Variants in PRKCE observed in about 807,000 individuals in gnomAD.
PRKCE encodes protein kinase C epsilon, also known as protein kinase C epsilon type.
A neutral mutation model predicts 85.4 loss-of-function variants in PRKCE; 16 were observed. That is an observed-to-expected ratio of 0.19 (90% confidence interval 0.13 to 0.28). The LOEUF (loss-of-function observed/expected upper bound fraction) is 0.28, where lower values mean the gene tolerates loss of function less well. PRKCE is among the 10% of genes least tolerant of loss of function. The pLI is 1.00. For synonymous variants in PRKCE, 388 were observed against 371.5 expected (o/e 1.04, Z -0.51); for missense variants, 573 against 975.2 (o/e 0.59, Z 5.49).
chr2:46,120,788 T>C (rs887010318), intron 11 of PRKCE, among the ~76,000 whole-genome samples: 1 of 152,228 alleles, frequency 6.6e-6, no homozygotes, highest in African/African-American at 2.4e-5. Flanking sequence ...CACCCATGTT[T>C]CAAAAACCAG....
chr2:46,173,821 C>A lies in PRKCE; in HGVS notation c.2068-10914C>A, dbSNP rs551854072. Among the ~76,000 whole-genome samples the A allele has an allele frequency of 2.6e-5, 4 of 152,340 alleles. No homozygotes were observed. The East Asian group carries it at 7.7e-4, about 29-fold the overall frequency. On this transcript the variant is annotated intron_variant, in intron 14 of 14. Coordinates refer to ENST00000306156, the MANE Select transcript of PRKCE (RefSeq NM_005400.3). The stretch of plus-strand genomic sequence containing the variant: ...CGATAGTTGGCTGAACTCCTTTGAT[C>A]TCTATTTGCTGAGTGTAGGGGAGGA...
At chr2:45,958,816 A>ATTTTTTT (rs569651784) in intron 2 of PRKCE, among the ~76,000 whole-genome samples, 1 of 18,150 alleles carries the variant, frequency 5.5e-5, no homozygotes, top group Non-Finnish European at 9.4e-5. Flanking sequence ...ATATATATAT[A>ATTTTTTT]TTTTTTTTTT....
At chr2:45,945,834 T>C (rs79194014) in intron 2 of PRKCE, among the ~76,000 whole-genome samples, 3 of 152,334 alleles carry the variant, frequency 2.0e-5, no homozygotes, top group Non-Finnish European at 2.9e-5. Context: ...GAATGACTTG[T>C]TAATGGTGGA....
At chr2:46,102,425 T>C (rs1671330328) in intron 11 of PRKCE, among the ~76,000 whole-genome samples, 1 of 152,164 alleles carries the variant, frequency 6.6e-6, no homozygotes, top group Non-Finnish European at 1.5e-5. Context: ...CAGCTTTAGA[T>C]TTACAGAATA....
chr2:45,741,606 C>T (rs1186235982), intron 1 of PRKCE, among the ~76,000 whole-genome samples: 1 of 152,204 alleles, frequency 6.6e-6, no homozygotes, highest in Non-Finnish European at 1.5e-5. Context: ...TTTGCCGGCT[C>T]AGCCTGGCAG....
chr2:46,050,829 G>A (rs771755193), intron 10 of PRKCE, among the ~76,000 whole-genome samples: 25 of 152,110 alleles, frequency 1.6e-4, no homozygotes, highest in Non-Finnish European at 3.1e-4. Context: ...CTTCATTCTT[G>A]TCAAAGTCTC....
In PRKCE at chr2:46,184,292, G is replaced by A. The variant is rs578118004; in HGVS notation, c.2068-443G>A. Among the ~76,000 whole-genome samples the A allele has an allele frequency of 4.6e-5, 7 of 152,220 alleles. No homozygotes were observed. The highest frequency in any genetic ancestry group is 9.6e-5 in the African/African-American group (4 of 41,504). The stretch of plus-strand genomic sequence containing the variant: ...GATGTCACCTGGAGCAGATGTGGCC[G>A]GGTTATGGGGAAGAAGGACCTCTGA... On this transcript the variant is annotated intron_variant, in intron 14 of 14. Transcript: ENST00000306156. The surrounding 1 kb of genome is among the most constrained non-coding windows in gnomAD (Gnocchi z 5.0).
chr2:45,760,183 C>A (rs1017159454), intron 1 of PRKCE, among the ~76,000 whole-genome samples: 1 of 152,234 alleles, frequency 6.6e-6, no homozygotes, highest in African/African-American at 2.4e-5. Flanking sequence ...TTACTTGGTT[C>A]CTGACCTGCC....
At chr2:45,938,749 A>C (rs1699663490) in intron 2 of PRKCE, among the ~76,000 whole-genome samples, 1 of 152,154 alleles carries the variant, frequency 6.6e-6, no homozygotes, top group Non-Finnish European at 1.5e-5. Context: ...AAGTTTGCTT[A>C]AATTGAGAAA....
Position 45,652,099 on chromosome 2 carries a change from C to A in PRKCE, c.-2C>A. 6.4e-7 allele frequency: 1 copy of A among 1,551,938 alleles called. No individual in the cohort carries two copies. The highest frequency in any genetic ancestry group is 8.7e-7 in the Non-Finnish European group (1 of 1,146,358). On this transcript the variant is annotated 5_prime_UTR_variant, in exon 1 of 15. Transcript: ENST00000306156. The surrounding 1 kb of genome is among the most constrained non-coding windows in gnomAD (Gnocchi z 7.7). ...CCCCGGCCCCCACTCCCCGCCCCGA[C>A]CATGGTAGTGTTCAATGGCCTTCTT... is the stretch of plus-strand genomic sequence containing the variant.
chr2:46,178,085 C>A (rs534881685), intron 14 of PRKCE, among the ~76,000 whole-genome samples: 2 of 152,174 alleles, frequency 1.3e-5, no homozygotes, highest in Non-Finnish European at 2.9e-5. Context: ...CAGGGAGATA[C>A]CCCATCTCTA....
Position 46,138,371 on chromosome 2 carries a change from C to T in PRKCE, c.1593-6722C>T, listed in dbSNP as rs1675196418. Among the ~76,000 whole-genome samples, 1 of 152,210 alleles carries T rather than the reference C, an allele frequency of 6.6e-6. No homozygotes were observed. ...CACGGGCAGTTATGTAGGGTCAGCC[C>T]ACGCTGCCTCTTACCAGCCATGTGA... is the stretch of plus-strand genomic sequence containing the variant. On this transcript the variant is annotated intron_variant, in intron 11 of 14. Transcript: ENST00000306156. The surrounding 1 kb of genome is among the most constrained non-coding windows in gnomAD (Gnocchi z 4.2).
intron 11 of PRKCE, among the ~76,000 whole-genome samples, chr2:46,094,865 C>T (rs926548365): frequency 1.3e-5 from 2 of 151,524 alleles, no homozygotes; most frequent in East Asian, 3.9e-4. Context: ...TGTCTTCCAG[C>T]TCTCAGTGCT....
intron 1 of PRKCE, among the ~76,000 whole-genome samples, chr2:45,770,055 G>T (rs1049370296): frequency 2.6e-5 from 4 of 152,210 alleles, no homozygotes; most frequent in Admixed American, 6.5e-5. Context: ...TCTGCAAGAG[G>T]TGGGGCTGTG....
At chr2:45,933,765 C>T (rs111739200) in intron 2 of PRKCE, among the ~76,000 whole-genome samples, 11,271 of 152,176 alleles carry the variant, frequency 0.074, 490 homozygotes, top group Middle Eastern at 0.12. Flanking sequence ...CGTGAGCCAC[C>T]GCACCCAGCA....
At chr2:46,024,692 C>T (rs775978708) in intron 10 of PRKCE, among the ~76,000 whole-genome samples, 2 of 152,098 alleles carry the variant, frequency 1.3e-5, no homozygotes, top group Non-Finnish European at 2.9e-5. Flanking sequence ...GTAAAGTGTC[C>T]AAGGATGAGA....
Position 45,815,018 on chromosome 2 carries a change from C to T in PRKCE, c.349-27982C>T, listed in dbSNP as rs1008715631. 3.3e-5 allele frequency among the ~76,000 whole-genome samples: 5 copies of T among 152,308 alleles called. No individual in the cohort carries two copies. In the East Asian group the frequency reaches 7.7e-4, roughly 24 times the overall value. ...CCTGGTTGGAGATGGCTTCAGCTCA[C>T]TCATTTACAGCAGGAGATCAGAGGT... On this transcript the variant is annotated intron_variant, in intron 1 of 14. Transcript: ENST00000306156.
intron 1 of PRKCE, among the ~76,000 whole-genome samples, chr2:45,782,177 T>G (rs997702527): frequency 6.6e-6 from 1 of 152,190 alleles, no homozygotes; most frequent in Non-Finnish European, 1.5e-5. Flanking sequence ...AGGGATACTT[T>G]CTCAACTCCA....
At position 45,962,103 on chromosome 2, in the gene PRKCE, AGCGTAT is replaced by A. The variant is rs549218022; in HGVS notation, c.413-14323_413-14318del. ...CTACTGAAAAGGCAAGTGGGTGACTAGCGTATGCAGGGCTTAGATTTTTGGATTAGG... is the reference window on the plus strand; with the variant it reads ...CTACTGAAAAGGCAAGTGGGTGACTAGCAGGGCTTAGATTTTTGGATTAGG... On this transcript the variant is annotated intron_variant, in intron 2 of 14. Coordinates refer to ENST00000306156, the MANE Select transcript of PRKCE (RefSeq NM_005400.3). Among the ~76,000 whole-genome samples, 16 of 152,338 alleles carry A rather than the reference AGCGTAT, an allele frequency of 1.1e-4. No homozygotes were observed. In the East Asian group the frequency reaches 1.9e-3, roughly 18 times the overall value.
Sources: gnomAD v4.1 joint callset for allele counts (sites outside exome capture counted in the v4.1 genomes callset) on GRCh38, gnomAD v4.1.1 for gene constraint, Gnocchi (gnomAD v3.1) non-coding constraint, MANE v1.5 for transcripts, NCBI Gene and HGNC (gene_info 2026-07-23, HGNC 2026-07-21) for gene names.